The following SMARCC1 variants were observed in gnomAD, a reference collection of about 807,000 sequenced individuals.
The protein encoded by SMARCC1 is SWI/SNF complex subunit SMARCC1.
A neutral mutation model predicts 147.4 loss-of-function variants in SMARCC1; 43 were observed. The observed-to-expected ratio is 0.29, with a 90% CI of 0.23 to 0.38. SMARCC1 has a LOEUF of 0.38. Ranked by LOEUF, SMARCC1 falls within the 10% of genes least tolerant of loss-of-function variation. SMARCC1 has a pLI of 1.00. For missense variants in SMARCC1, 1,119 were observed against 1,381.1 expected, an observed-to-expected ratio of 0.81 and a Z score of 3.01; for synonymous variants, 495 against 484.4, an observed-to-expected ratio of 1.02 and a Z score of -0.29.
intron 11 of SMARCC1, among the ~76,000 whole-genome samples, chr3:47,700,150 C>T (rs529363639): frequency 1.4e-4 from 21 of 151,694 alleles, no homozygotes; most frequent in African/African-American, 4.8e-4. Context: ...CTAATTCCTC[C>T]TGTTATTTCA....
intron 2 of SMARCC1, among the ~76,000 whole-genome samples, chr3:47,750,119 T>G (rs2034613136): frequency 6.6e-6 from 1 of 151,432 alleles, no homozygotes; most frequent in Admixed American, 6.6e-5. Context: ...TCATTATAAT[T>G]CTGTAGTGCT....
At chr3:47,777,509 CACAGTAAG>C (rs2034989998) in intron 1 of SMARCC1, among the ~76,000 whole-genome samples, 1 of 151,922 alleles carries the variant, frequency 6.6e-6, no homozygotes, top group African/African-American at 2.4e-5. Context: ...GTCTGGGCAA[CACAGTAAG>C]ACCCTGTCTC....
chr3:47,714,271 C>T (rs1415315334), intron 8 of SMARCC1, 144 bp downstream of exon 8: 12 of 608,096 alleles, frequency 2.0e-5, no homozygotes, highest in South Asian at 4.0e-5. Flanking sequence ...GGCTAACGCA[C>T]GAGAATCACT....
At position 47,781,612 on chromosome 3, in the gene SMARCC1, G is replaced by A. The variant is rs2035049424; in HGVS notation, c.186C>T (p.His62=). 6.5e-7 allele frequency: 1 copy of A among 1,547,208 alleles called. No individual in the cohort carries two copies. Residue 62 remains histidine, a synonymous_variant, in exon 1 of 28, where the codon CAC becomes CAT. Coordinates refer to ENST00000254480, the MANE Select transcript of SMARCC1 (RefSeq NM_003074.4). ...LDSVRVWLGK[H]YKKYVHADAP... ...GGGCGCGCGAACCCACCTTCTTGTA[G>A]TGCTTGCCCAGCCAGACCCGCACCG...
chr3:47,720,173 G>A (rs1259789476), intron 7 of SMARCC1, among the ~76,000 whole-genome samples: 1 of 152,122 alleles, frequency 6.6e-6, no homozygotes, highest in Non-Finnish European at 1.5e-5. Flanking sequence ...GCCCAGGCTG[G>A]AGGGAAACGG....
At chr3:47,628,604 C>T (rs1576392173) in intron 24 of SMARCC1, among the ~76,000 whole-genome samples, 1 of 152,240 alleles carries the variant, frequency 6.6e-6, no homozygotes, top group East Asian at 1.9e-4. Flanking sequence ...GACAGAGTTT[C>T]ACTCTGTCCC....
chr3:47,675,801 C>T (rs936251315), intron 17 of SMARCC1, among the ~76,000 whole-genome samples: 9 of 151,952 alleles, frequency 5.9e-5, no homozygotes, highest in East Asian at 1.9e-4. Context: ...AAAAATTAGC[C>T]GGGCGTGGTG....
intron 5 of SMARCC1, among the ~76,000 whole-genome samples, chr3:47,735,401 T>C (rs555019623): frequency 4.6e-5 from 7 of 152,180 alleles, no homozygotes; most frequent in Non-Finnish European, 8.8e-5. Flanking sequence ...CTATAATCAA[T>C]CCTAATACTT....
At chr3:47,665,115 G>C (rs972403861) in intron 19 of SMARCC1, among the ~76,000 whole-genome samples, 3 of 152,122 alleles carry the variant, frequency 2.0e-5, no homozygotes, top group African/African-American at 7.2e-5. Context: ...TTACAGGTGT[G>C]AAACACTGCA....
At chr3:47,650,276 A>AAATAATAATAATAAT (rs34728200) in intron 21 of SMARCC1, among the ~76,000 whole-genome samples, 2 of 138,506 alleles carry the variant, frequency 1.4e-5, no homozygotes, top group African/African-American at 5.2e-5. Context: ...ACTCTGTTTA[A>AAATAATAATAATAAT]AATAATAATA....
In SMARCC1 at chr3:47,621,121, G is replaced by A. The variant is rs576996614; in HGVS notation, c.2781+1086C>T. 3.9e-5 allele frequency among the ~76,000 whole-genome samples: 6 copies of A among 152,144 alleles called. No homozygotes were observed. In the South Asian group the frequency reaches 1.2e-3, roughly 32 times the overall value. On this transcript the variant is annotated intron_variant, in intron 25 of 27. Transcript: ENST00000254480. ...TAGGGACCATCCTGGCCAACATGGT[G>A]AAACCCCGTCTCTACTAAAAACACA...
At chr3:47,705,798 T>A (rs2106792611) in intron 10 of SMARCC1, among the ~76,000 whole-genome samples, 1 of 152,326 alleles carries the variant, frequency 6.6e-6, no homozygotes, top group East Asian at 1.9e-4. Context: ...ATTATGTAAC[T>A]TAATATATAC....
intron 26 of SMARCC1, among the ~76,000 whole-genome samples, chr3:47,592,872 T>A (rs1195141378): frequency 6.8e-6 from 1 of 147,900 alleles, no homozygotes; most frequent in Non-Finnish European, 1.5e-5. Flanking sequence ...CAAGCTAGAG[T>A]GCAGTAACAC....
rs775759680 is a variant in SMARCC1, at chr3:47,671,173, C to CAAAAAAAAAAAA, written c.1840-468_1840-457dup. 4.5e-3 allele frequency among the ~76,000 whole-genome samples: 132 copies of CAAAAAAAAAAAA among 29,216 alleles called. 21 individuals carry two copies. Among genetic ancestry groups the CAAAAAAAAAAAA allele is most frequent in the South Asian group, 5.7e-3 (2 of 350 alleles). 19.2% of individuals were successfully genotyped at this position (29,216 alleles called of 152,430 possible). A position where few individuals can be genotyped will look rare whatever the true frequency, so the allele number is the denominator to read the frequency against. ...CCTGGGCAACAGAGCGAGACTATCTCAAAAAAAAAAAAAAAAAAAAAAAAA... is the reference window on the plus strand; with the variant it reads ...CCTGGGCAACAGAGCGAGACTATCTCAAAAAAAAAAAAAAAAAAAAAAAAAAAAAAAAAAAAA... On this transcript the variant is annotated intron_variant, in intron 18 of 27. Transcript: ENST00000254480.
At chr3:47,720,524 G>A in intron 7 of SMARCC1, 142 bp downstream of exon 7, 1 of 634,232 alleles carries the variant, frequency 1.6e-6, no homozygotes, top group Non-Finnish European at 2.7e-6. Flanking sequence ...TAAGAAAACA[G>A]TCAATAAAAG....
At chr3:47,592,627 T>G (rs1258133970) in intron 26 of SMARCC1, among the ~76,000 whole-genome samples, 3 of 152,154 alleles carry the variant, frequency 2.0e-5, no homozygotes, top group African/African-American at 7.2e-5. Flanking sequence ...CAGAGTCTCA[T>G]TTTCTACTCA....
At chr3:47,757,013 C>T (rs150274245) in intron 2 of SMARCC1, among the ~76,000 whole-genome samples, 4 of 151,844 alleles carry the variant, frequency 2.6e-5, no homozygotes, top group African/African-American at 4.8e-5. Flanking sequence ...CACTTTGGGA[C>T]GCCGAGCTGG....
At position 47,645,534 on chromosome 3, in the gene SMARCC1, G is replaced by T. The variant is rs560946781; in HGVS notation, c.2321-6754C>A. On this transcript the variant is annotated intron_variant, in intron 21 of 27. Coordinates refer to ENST00000254480, the MANE Select transcript of SMARCC1 (RefSeq NM_003074.4). ...CCGTCCACACTGGGTGACAGAGTAA[G>T]ACCTTGTTTATTAAAAACAAACAAA... Among the ~76,000 whole-genome samples the T allele has an allele frequency of 6.6e-5, 10 of 152,148 alleles. No homozygotes were observed. In the East Asian group the frequency reaches 1.7e-3, roughly 26 times the overall value.
In SMARCC1 at chr3:47,610,263, T is replaced by C. The variant is rs777847627; in HGVS notation, c.2846A>G (p.Tyr949Cys). Residue 949 changes from tyrosine to cysteine, a missense_variant, in exon 26 of 28, where the codon TAT becomes TGT. Coordinates refer to ENST00000254480, the MANE Select transcript of SMARCC1 (RefSeq NM_003074.4). ...RQNFHMEQLK[Y>C]AELRARQQME... The stretch of plus-strand genomic sequence containing the variant: ...TTGCTGTCGTGCTCGTAATTCAGCA[T>C]ACTTCAGCTGTTCCATGTGGAAGTT... The C allele has an allele frequency of 1.9e-6, 3 of 1,614,232 alleles. No homozygotes were observed. The highest frequency in any genetic ancestry group is 2.2e-5 in the South Asian group (2 of 91,088).
Sources: gnomAD v4.1 joint callset for allele counts (sites outside exome capture counted in the v4.1 genomes callset) on GRCh38, gnomAD v4.1.1 for gene constraint, MANE v1.5 for transcripts, NCBI Gene and HGNC (gene_info 2026-07-23, HGNC 2026-07-21) for gene names.